The following ARAP2 variants were observed in gnomAD, a reference collection of about 807,000 sequenced individuals.
ARAP2 encodes the protein ArfGAP with RhoGAP domain, ankyrin repeat and PH domain 2, also known as arf-GAP with Rho-GAP domain, ANK repeat and PH domain-containing protein 2.
A neutral mutation model predicts 194.5 loss-of-function variants in ARAP2; 148 were observed. The ratio of observed to expected loss-of-function variants is 0.76; its 90% CI spans 0.67 to 0.87. The LOEUF is 0.87. ARAP2 is among the 40% of genes least tolerant of loss of function. The pLI is 0.00. For missense variants in ARAP2, 2,128 were observed against 1,989.7 expected (o/e 1.07, Z -1.32); for synonymous variants, 695 against 683.5 (o/e 1.02, Z -0.26).
At position 36,083,483 on chromosome 4, in the gene ARAP2, G is replaced by A. The variant is rs199712495; in HGVS notation, c.4426-33C>T. The A allele has an allele frequency of 9.3e-4, 1,300 of 1,394,562 alleles. 1 individual carries two copies. The highest frequency in any genetic ancestry group is 9.9e-4 in the Non-Finnish European group (1,010 of 1,015,134). The allele number at this position is 1,394,562 out of a possible 1,614,324, so 86.4% of individuals were successfully genotyped here. A position where few individuals can be genotyped will look rare whatever the true frequency, so the allele number is the denominator to read the frequency against. ...GTAAAAAAATAATTTGTAATTAAATGGATTTACACATTTCCTTACATTTTC... is the reference window on the plus strand; with the variant it reads ...GTAAAAAAATAATTTGTAATTAAATAGATTTACACATTTCCTTACATTTTC... On this transcript the variant is annotated intron_variant, in intron 28 of 32. Coordinates refer to ENST00000303965, the MANE Select transcript of ARAP2 (RefSeq NM_015230.4).
intron 8 of ARAP2, among the ~76,000 whole-genome samples, chr4:36,015,019 A>C (rs976213374): frequency 5.3e-5 from 8 of 152,214 alleles, no homozygotes; most frequent in Non-Finnish European, 8.8e-5. Context: ...AGTATGAAAA[A>C]AGTGTTAGGG....
chr4:36,128,798 T>A, intron 20 of ARAP2, 53 bp from the exon 21 acceptor site: 2 of 1,388,120 alleles, frequency 1.4e-6, no homozygotes, highest in Non-Finnish European at 2.0e-6. Context: ...CAAAAGCCAG[T>A]TTGATATTTT....
rs556702260 is a variant in ARAP2, at chr4:36,110,005, A to T, written c.4157-2312T>A. Among the ~76,000 whole-genome samples, 15 of 151,938 alleles carry T rather than the reference A, an allele frequency of 9.9e-5. No individual in the cohort carries two copies. The East Asian group carries it at 1.6e-3, about 16-fold the overall frequency. On this transcript the variant is annotated intron_variant, in intron 26 of 32. Transcript: ENST00000303965. Reference sequence around the variant, plus strand: ...GTTATCACTTTCAAACTTCACAATAACATGCTTCACTAGATATTATTATTC... The same window carrying T: ...GTTATCACTTTCAAACTTCACAATATCATGCTTCACTAGATATTATTATTC...
chr4:36,209,211 T>C (rs1746215395), intron 6 of ARAP2, among the ~76,000 whole-genome samples: 1 of 152,168 alleles, frequency 6.6e-6, no homozygotes, highest in South Asian at 2.1e-4. Flanking sequence ...TTCAAGAATA[T>C]TCAAGTTCAC....
At chr4:36,038,473 G>T (rs73123412) in intron 5 of ARAP2, among the ~76,000 whole-genome samples, 2,090 of 152,198 alleles carry the variant, frequency 0.014, 36 homozygotes, top group African/African-American at 0.041. Flanking sequence ...AAAAGACCCT[G>T]ACAATATGTC....
chr4:36,055,839 C>T (rs1014284054), intron 2 of ARAP2, among the ~76,000 whole-genome samples: 9 of 152,204 alleles, frequency 5.9e-5, no homozygotes, highest in Admixed American at 1.3e-4. Flanking sequence ...GCTGGGATTA[C>T]AGGCGTGAGC....
intron 27 of ARAP2, among the ~76,000 whole-genome samples, chr4:36,096,875 A>G (rs1488041963): frequency 6.6e-6 from 1 of 152,166 alleles, no homozygotes; most frequent in Non-Finnish European, 1.5e-5. Context: ...GCTGGTTTAG[A>G]ACAAGAGAGT....
intron 9 of ARAP2, among the ~76,000 whole-genome samples, chr4:36,175,712 T>C (rs961878834): frequency 6.6e-6 from 1 of 152,182 alleles, no homozygotes; most frequent in Admixed American, 6.6e-5. Flanking sequence ...AGCATAAAAA[T>C]GTTTACTTAT....
At chr4:36,189,873 C>T (rs777185099) in intron 7 of ARAP2, among the ~76,000 whole-genome samples, 1 of 152,170 alleles carries the variant, frequency 6.6e-6, no homozygotes, top group African/African-American at 2.4e-5. Flanking sequence ...TGAAGACTTA[C>T]ACTCTCCTTA....
At chr4:36,238,323 G>T (rs988318947) in intron 1 of ARAP2, among the ~76,000 whole-genome samples, 17 of 152,158 alleles carry the variant, frequency 1.1e-4, no homozygotes, top group Non-Finnish European at 2.5e-4. Flanking sequence ...GTGGATGTTT[G>T]CAAACCATTT....
chr4:36,187,623 T>A, intron 7 of ARAP2, 52 bp from the exon 8 acceptor site: 1 of 1,458,508 alleles, frequency 6.9e-7, no homozygotes, highest in Non-Finnish European at 9.1e-7. Flanking sequence ...ATTCTCTTGA[T>A]CTTATCAAAA....
intron 1 of ARAP2, among the ~76,000 whole-genome samples, chr4:36,235,041 A>G (rs1752192970): frequency 6.6e-6 from 1 of 152,152 alleles, no homozygotes; most frequent in Non-Finnish European, 1.5e-5. Flanking sequence ...ATCACTCAAT[A>G]AACAGCACCT....
chr4:36,134,765 C>T (rs1726270875), intron 19 of ARAP2, among the ~76,000 whole-genome samples: 1 of 151,332 alleles, frequency 6.6e-6, no homozygotes, highest in South Asian at 2.1e-4. Flanking sequence ...CACACACCCT[C>T]CTGGATTCTG....
chr4:36,057,016 TTCTC>T (rs1723627618), intron 2 of ARAP2, among the ~76,000 whole-genome samples: 1 of 151,284 alleles, frequency 6.6e-6, no homozygotes, highest in Admixed American at 6.6e-5. Flanking sequence ...TAGGACCAAT[TTCTC>T]TCTATCTAAA....
intron 27 of ARAP2, among the ~76,000 whole-genome samples, chr4:36,095,799 C>T (rs565997396): frequency 1.9e-4 from 29 of 152,104 alleles, no homozygotes; most frequent in Middle Eastern, 3.4e-3. Context: ...ACTTGAGAAC[C>T]GAAGAACAAT....
rs1431200061 is a variant in ARAP2 at position 36,228,597 on chromosome 4, T to A, written c.890A>T (p.Lys297Ile). The A allele has an allele frequency of 6.3e-7, 1 of 1,593,958 alleles. No homozygotes were observed. Among genetic ancestry groups the A allele is most frequent in the South Asian group, 1.1e-5 (1 of 88,834 alleles). ...RPVPEIPGST[K>I]GVSGSYFRER... ...AGATTCTTACCTCCCAGAAACTCCT[T>A]TTGTTGACCCTGGAATCTCTGGTAC... Residue 297 changes from lysine to isoleucine, a missense_variant, in exon 2 of 33, where the codon AAA (lysine) becomes ATA (isoleucine). By Grantham distance (102) the Lys-to-Ile change is moderately radical. Coordinates refer to ENST00000303965, the MANE Select transcript of ARAP2 (RefSeq NM_015230.4).
chr4:36,115,880 T>C (rs941695026), intron 25 of ARAP2, among the ~76,000 whole-genome samples: 1 of 152,016 alleles, frequency 6.6e-6, no homozygotes, highest in Non-Finnish European at 1.5e-5. Context: ...AAGTCCTTTA[T>C]CTAAACACAC....
At chr4:36,224,508 C>T (rs1578338907) in intron 2 of ARAP2, among the ~76,000 whole-genome samples, 1 of 152,052 alleles carries the variant, frequency 6.6e-6, no homozygotes, top group African/African-American at 2.4e-5. Flanking sequence ...AATGAATTAT[C>T]ATTACAGAAC....
rs137942254 is a variant in ARAP2, at chr4:36,188,669, A to G, written c.1558-1098T>C. On this transcript the variant is annotated intron_variant, in intron 7 of 32. Transcript: ENST00000303965. ...TCTGCAATATTAAAAGAGTTTGGAT[A>G]CATCCTTAAGGGATTTCTTTATCTC... 4.5e-3 allele frequency among the ~76,000 whole-genome samples: 683 copies of G among 152,338 alleles called. 3 individuals carry two copies. Among genetic ancestry groups the G allele is most frequent in the Non-Finnish European group, 6.8e-3 (460 of 68,024 alleles).
Sources: allele counts gnomAD v4.1 joint callset (sites outside exome capture counted in the v4.1 genomes callset), GRCh38; gene constraint gnomAD v4.1.1; transcripts MANE v1.5; gene names NCBI Gene and HGNC (gene_info 2026-07-23, HGNC 2026-07-21).